The following MAGI2 variants were observed in gnomAD, a reference collection of about 807,000 sequenced individuals.
MAGI2 encodes the protein membrane associated guanylate kinase, WW and PDZ domain containing 2.
MAGI2 carries 35 observed loss-of-function variants against 133.3 expected under a neutral mutation model. The ratio of observed to expected loss-of-function variants is 0.26; its 90% CI spans 0.20 to 0.35. The LOEUF is 0.35. MAGI2 is among the 10% of genes least tolerant of loss of function. MAGI2 has a pLI of 1.00. For synonymous variants in MAGI2, 729 were observed against 710.6 expected (o/e 1.03, Z -0.41); for missense variants, 1,636 against 1,863.4 (o/e 0.88, Z 2.25).
chr7:79,119,195 C>A (rs886939930), intron 1 of MAGI2, among the ~76,000 whole-genome samples: 2 of 152,196 alleles, frequency 1.3e-5, no homozygotes, highest in Non-Finnish European at 2.9e-5. Context: ...CATAGTTAAC[C>A]AGTAGTGACC....
chr7:78,140,423 A>T (rs3807705), intron 16 of MAGI2, among the ~76,000 whole-genome samples: 2 of 152,172 alleles, frequency 1.3e-5, no homozygotes, highest in Non-Finnish European at 2.9e-5. Context: ...AAGTATTAAA[A>T]AGGCAAAGTG....
At chr7:78,553,497 A>G (rs1293853937) in intron 3 of MAGI2, among the ~76,000 whole-genome samples, 1 of 152,210 alleles carries the variant, frequency 6.6e-6, no homozygotes, top group African/African-American at 2.4e-5. Flanking sequence ...CTGGTGAAGG[A>G]AGACTTGCAC....
intron 1 of MAGI2, among the ~76,000 whole-genome samples, chr7:79,080,848 A>G (rs1390202139): frequency 3.9e-5 from 6 of 152,036 alleles, no homozygotes; most frequent in African/African-American, 1.2e-4. Context: ...ACGCTGTGTC[A>G]TCTCCTATTT....
chr7:78,304,617 C>T (rs1362835214), intron 9 of MAGI2, among the ~76,000 whole-genome samples: 3 of 152,146 alleles, frequency 2.0e-5, no homozygotes, highest in Non-Finnish European at 2.9e-5. Flanking sequence ...GGCAAACATC[C>T]CTTTGTTTCA....
intron 2 of MAGI2, among the ~76,000 whole-genome samples, chr7:78,842,645 T>A (rs1249968154): frequency 1.3e-5 from 2 of 151,928 alleles, no homozygotes; most frequent in South Asian, 2.1e-4. Flanking sequence ...AAATCTCTAG[T>A]AGATGTATAA....
chr7:78,945,435 C>T (rs1801340689), intron 2 of MAGI2, among the ~76,000 whole-genome samples: 7 of 152,108 alleles, frequency 4.6e-5, no homozygotes, highest in Admixed American at 4.6e-4. Flanking sequence ...AGCACATATA[C>T]ATTGTGGAAT....
intron 2 of MAGI2, among the ~76,000 whole-genome samples, chr7:78,634,410 G>T (rs888546168): frequency 1.3e-5 from 2 of 152,192 alleles, no homozygotes; most frequent in East Asian, 1.9e-4. Context: ...AAGCATTTTA[G>T]ATCTATGTGT....
intron 2 of MAGI2, among the ~76,000 whole-genome samples, chr7:78,939,399 G>T (rs1169576695): frequency 6.6e-6 from 1 of 152,180 alleles, no homozygotes; most frequent in African/African-American, 2.4e-5. Flanking sequence ...AAGAGACGGG[G>T]CTGAATGGAC....
chr7:78,951,750 T>C (rs576203666), intron 2 of MAGI2, among the ~76,000 whole-genome samples: 194 of 152,328 alleles, frequency 1.3e-3, no homozygotes, highest in Middle Eastern at 6.8e-3. Context: ...TTCATGACAT[T>C]AATCAGGTAG....
At chr7:78,084,805 G>A (rs1422701066) in intron 20 of MAGI2, among the ~76,000 whole-genome samples, 1 of 152,230 alleles carries the variant, frequency 6.6e-6, no homozygotes, top group Non-Finnish European at 1.5e-5. Flanking sequence ...TAATGGCCCT[G>A]ATGGAACAAA....
intron 4 of MAGI2, among the ~76,000 whole-genome samples, chr7:78,510,766 G>A (rs1411437871): frequency 6.6e-6 from 1 of 152,014 alleles, no homozygotes; most frequent in Non-Finnish European, 1.5e-5. Context: ...TGCTTTTGTT[G>A]GGCACCAGGG....
chr7:79,034,226 T>C (rs1306400916), intron 1 of MAGI2, among the ~76,000 whole-genome samples: 1 of 152,166 alleles, frequency 6.6e-6, no homozygotes, highest in Admixed American at 6.5e-5. Flanking sequence ...TTTTTTACCA[T>C]TTCCTTTCCT....
chr7:79,250,919 C>T (rs1833199912), intron 1 of MAGI2, among the ~76,000 whole-genome samples: 1 of 152,004 alleles, frequency 6.6e-6, no homozygotes, highest in Non-Finnish European at 1.5e-5. Context: ...AATAGAGAAC[C>T]CAGAAACAAA....
At chr7:78,104,000 G>A (rs1818429043) in intron 20 of MAGI2, among the ~76,000 whole-genome samples, 2 of 152,284 alleles carry the variant, frequency 1.3e-5, no homozygotes, top group South Asian at 4.1e-4. Context: ...TCTGAGCTAC[G>A]GTGGATTACC....
At chr7:78,646,292 T>C (rs904824997) in intron 2 of MAGI2, among the ~76,000 whole-genome samples, 5 of 152,086 alleles carry the variant, frequency 3.3e-5, no homozygotes, top group African/African-American at 1.2e-4. Flanking sequence ...GTTTCTGGAG[T>C]CTTAAAGTAT....
intron 21 of MAGI2, among the ~76,000 whole-genome samples, chr7:78,042,515 T>A (rs757865): frequency 2.0e-4 from 31 of 152,106 alleles, no homozygotes; most frequent in South Asian, 8.3e-4. Flanking sequence ...GTCTGGCCTG[T>A]GAAGTCAAAC....
At position 79,228,354 on chromosome 7, in the gene MAGI2, C is replaced by CAAAAAA. The variant is rs746424350; in HGVS notation, c.302-221154_302-221149dup. Among the ~76,000 whole-genome samples the CAAAAAA allele has an allele frequency of 8.3e-4, 26 of 31,438 alleles. 1 individual carries two copies. The highest frequency in any genetic ancestry group is 3.7e-3 in the Admixed American group (7 of 1,914). 20.6% of individuals were successfully genotyped at this position (31,438 alleles called of 152,430 possible). On this transcript the variant is annotated intron_variant, in intron 1 of 21. Transcript: ENST00000354212. ...CAAGACCCTGTCTCAAAAAAACAGG[C>CAAAAAA]AAAAAAAAAAAAAAAAGATCGTGGG...
At chr7:78,802,617 ATAATGGTAGAT>A (rs1788170565) in intron 2 of MAGI2, among the ~76,000 whole-genome samples, 4 of 152,202 alleles carry the variant, frequency 2.6e-5, no homozygotes, top group Admixed American at 2.6e-4. Flanking sequence ...GTACTACTAT[ATAATGGTAGAT>A]TCATGACATT....
rs77243824 is a variant in MAGI2, at chr7:79,099,821, G to T, written c.302-92615C>A. 6.9e-3 allele frequency among the ~76,000 whole-genome samples: 1,046 copies of T among 151,998 alleles called. 14 individuals carry two copies. Among genetic ancestry groups the T allele is most frequent in the African/African-American group, 0.024 (988 of 41,470 alleles). On this transcript the variant is annotated intron_variant, in intron 1 of 21. Coordinates refer to ENST00000354212, the MANE Select transcript of MAGI2 (RefSeq NM_012301.4). ...GGATGTGATCTTGTCCTTTTTTTTG[G>T]CTGCATAGCATTCCATACCATAACT...
Sources: gnomAD v4.1 joint callset for allele counts (sites outside exome capture counted in the v4.1 genomes callset) on GRCh38, gnomAD v4.1.1 for gene constraint, MANE v1.5 for transcripts, NCBI Gene and HGNC (gene_info 2026-07-23, HGNC 2026-07-21) for gene names.